DCLK2: variants seen among roughly 807,000 people sequenced by gnomAD.
DCLK2 encodes doublecortin like kinase 2.
DCLK2 carries 31 observed loss-of-function variants against 78.4 expected under a neutral mutation model. That is an observed-to-expected ratio of 0.40 (90% CI 0.30 to 0.53). DCLK2 has a LOEUF of 0.53. DCLK2 is among the 20% of genes least tolerant of loss of function. DCLK2 has a pLI of 0.61. For synonymous variants in DCLK2, 407 were observed against 374.9 expected, an observed-to-expected ratio of 1.09 and a Z score of -0.99; for missense variants, 872 against 973.7, an observed-to-expected ratio of 0.90 and a Z score of 1.39.
chr4:150,198,324 T>A (rs1393338899), intron 4 of DCLK2, among the ~76,000 whole-genome samples: 9 of 152,246 alleles, frequency 5.9e-5, no homozygotes, highest in Non-Finnish European at 1.3e-4. Flanking sequence ...ACACGTTTTC[T>A]TGGGAACAGC....
rs140891867 is a variant in DCLK2, at chr4:150,256,070, A to G, written c.2124A>G (p.Gln708=). 359 of 1,612,714 alleles carry G rather than the reference A, an allele frequency of 2.2e-4. No individual in the cohort carries two copies. Among genetic ancestry groups the G allele is most frequent in the Admixed American group, 1.1e-3 (63 of 59,874 alleles). ...AGATTTTCTGCAGCAAGCACTGTCA[A>G]GACAGCGGCAGGCCTGGGATGGAGC... is the stretch of plus-strand genomic sequence containing the variant. ...EGQIFCSKHC[Q]DSGRPGMEPI... is the part of the protein sequence containing the mutation. The change falls in exon 16 of 16, where the codon CAA becomes CAG. Residue 708 remains glutamine, a synonymous_variant. Coordinates refer to ENST00000296550, the MANE Select transcript of DCLK2 (RefSeq NM_001040260.4).
At chr4:150,191,584 TAGAAG>T (rs773048896) in intron 2 of DCLK2, among the ~76,000 whole-genome samples, 1 of 152,092 alleles carries the variant, frequency 6.6e-6, no homozygotes. Flanking sequence ...CCAACGGAGA[TAGAAG>T]AGAACAGGAA....
intron 2 of DCLK2, among the ~76,000 whole-genome samples, chr4:150,171,575 A>G (rs1324721476): frequency 6.6e-6 from 1 of 152,248 alleles, no homozygotes; most frequent in African/African-American, 2.4e-5. Flanking sequence ...AAAATTCAGC[A>G]TATTTAATGC....
chr4:150,112,226 A>C (rs1560781393), intron 2 of DCLK2, among the ~76,000 whole-genome samples: 1 of 152,014 alleles, frequency 6.6e-6, no homozygotes, highest in African/African-American at 2.4e-5. Flanking sequence ...TTTTGCAGCT[A>C]TTGTATAAAG....
Position 150,256,262 on chromosome 4 carries a change from G to C in DCLK2, c.*15G>C. On this transcript the variant is annotated 3_prime_UTR_variant, in exon 16 of 16. Coordinates refer to ENST00000296550, the MANE Select transcript of DCLK2 (RefSeq NM_001040260.4). ...ACCGAGACTGAGCCTCCTGCAGACG[G>C]GCGAAGCCGCCTGCTGCAGCCCAGG... The C allele has an allele frequency of 2.7e-6, 4 of 1,488,896 alleles. No individual in the cohort carries two copies. The highest frequency in any genetic ancestry group is 3.6e-6 in the Non-Finnish European group (4 of 1,121,114). 92.2% of individuals were successfully genotyped at this position (1,488,896 alleles called of 1,614,324 possible).
chr4:150,129,525 TC>T (rs1733148485), intron 2 of DCLK2, among the ~76,000 whole-genome samples: 1 of 151,884 alleles, frequency 6.6e-6, no homozygotes, highest in African/African-American at 2.4e-5. Flanking sequence ...TCGAGACCCA[TC>T]CTGGCCACCA....
At chr4:150,167,972 G>T (rs977037496) in intron 2 of DCLK2, among the ~76,000 whole-genome samples, 1 of 152,188 alleles carries the variant, frequency 6.6e-6, no homozygotes, top group Admixed American at 6.5e-5. Flanking sequence ...AGGCCATTGT[G>T]CATGCAGGCA....
chr4:150,184,414 C>G (rs768170850), intron 2 of DCLK2, among the ~76,000 whole-genome samples: 29 of 152,144 alleles, frequency 1.9e-4, no homozygotes, highest in Admixed American at 3.9e-4. Context: ...AATAATAGCT[C>G]TTTTAAGAAA....
chr4:150,126,266 A>G (rs896170852), intron 2 of DCLK2, among the ~76,000 whole-genome samples: 1 of 152,254 alleles, frequency 6.6e-6, no homozygotes, highest in Non-Finnish European at 1.5e-5. Flanking sequence ...ATTCTATGGT[A>G]GGCACTCTAC....
At chr4:150,131,898 A>G (rs879271701) in intron 2 of DCLK2, among the ~76,000 whole-genome samples, 3 of 152,114 alleles carry the variant, frequency 2.0e-5, no homozygotes, top group African/African-American at 4.8e-5. Context: ...AGAATTGGCT[A>G]TGTAATTGTG....
intron 5 of DCLK2, among the ~76,000 whole-genome samples, chr4:150,216,508 G>A (rs555424176): frequency 3.9e-5 from 6 of 152,186 alleles, no homozygotes; most frequent in Admixed American, 2.6e-4. Context: ...GCGTGGTGGC[G>A]GGTGCTTGTA....
chr4:150,236,923 T>C (rs192766726), intron 10 of DCLK2, among the ~76,000 whole-genome samples: 2 of 152,332 alleles, frequency 1.3e-5, no homozygotes, highest in Admixed American at 1.3e-4. Flanking sequence ...CATCTGACTC[T>C]GAATTCTTTA....
chr4:150,231,598 T>TA (rs1742066159), intron 8 of DCLK2, among the ~76,000 whole-genome samples: 1 of 152,202 alleles, frequency 6.6e-6, no homozygotes, highest in Admixed American at 6.5e-5. Context: ...TTAAGAATAA[T>TA]TCGTTAATTC....
At chr4:150,176,371 G>A (rs1243375623) in intron 2 of DCLK2, among the ~76,000 whole-genome samples, 1 of 152,178 alleles carries the variant, frequency 6.6e-6, no homozygotes, top group African/African-American at 2.4e-5. Context: ...GTCTCCAGGT[G>A]CTGGGTGTCT....
chr4:150,253,263 A>G (rs753498491), intron 15 of DCLK2: 2 of 560,758 alleles, frequency 3.6e-6, no homozygotes, highest in African/African-American at 1.9e-5. Context: ...TTTTCTGCAG[A>G]TACAAATGAT....
chr4:150,127,627 C>A (rs1733011937), intron 2 of DCLK2, among the ~76,000 whole-genome samples: 1 of 152,134 alleles, frequency 6.6e-6, no homozygotes, highest in African/African-American at 2.4e-5. Context: ...AATACAGTAG[C>A]AATTCTGTAT....
intron 2 of DCLK2, among the ~76,000 whole-genome samples, chr4:150,150,439 T>C (rs1734804487): frequency 6.6e-6 from 1 of 152,114 alleles, no homozygotes; most frequent in East Asian, 1.9e-4. Flanking sequence ...GTGAGATATA[T>C]TAAAGGCAAT....
chr4:150,101,826 G>A (rs556392178), intron 1 of DCLK2, among the ~76,000 whole-genome samples: 20 of 152,190 alleles, frequency 1.3e-4, no homozygotes, highest in African/African-American at 2.4e-4. Context: ...ACAGAAAAGC[G>A]TATATTTAAA....
At chr4:150,079,926 T>C (rs1029254309) in intron 1 of DCLK2, among the ~76,000 whole-genome samples, 1 of 152,158 alleles carries the variant, frequency 6.6e-6, no homozygotes, top group Non-Finnish European at 1.5e-5. Flanking sequence ...TTTCCTAGTT[T>C]GCCTTGCAGC....
Sources: allele counts gnomAD v4.1 joint callset (sites outside exome capture counted in the v4.1 genomes callset), GRCh38; gene constraint gnomAD v4.1.1; transcripts MANE v1.5; gene names NCBI Gene and HGNC (gene_info 2026-07-23, HGNC 2026-07-21).